PRSS55: variants seen among roughly 807,000 people sequenced by gnomAD.
PRSS55 encodes serine protease 55.
PRSS55 carries 41 observed loss-of-function variants against 23.6 expected under a neutral mutation model. The ratio of observed to expected loss-of-function variants is 1.74; its 90% CI spans 1.35 to 2.26. The LOEUF is 2.26. Ranked by LOEUF, PRSS55 falls within the 30% of genes most tolerant of loss-of-function variation. The probability of loss-of-function intolerance (pLI) is 0.00; values close to 1 mark genes in which losing one functional copy is unlikely to be tolerated. For missense variants in PRSS55, 669 were observed against 439.1 expected (o/e 1.52, Z -4.68); for synonymous variants, 262 against 175.5 (o/e 1.49, Z -3.90).
At chr8:10,543,992 T>C (rs1242017820) in intron 4 of PRSS55, among the ~76,000 whole-genome samples, 1 of 152,210 alleles carries the variant, frequency 6.6e-6, no homozygotes, top group Admixed American at 6.5e-5. Context: ...AAAAAGTATA[T>C]TCTGCTATTA....
At chr8:10,529,897 C>G (rs918987324) in intron 2 of PRSS55, among the ~76,000 whole-genome samples, 198 bp downstream of exon 2, 1 of 152,198 alleles carries the variant, frequency 6.6e-6, no homozygotes, top group Non-Finnish European at 1.5e-5. Flanking sequence ...GTCCTCCTCA[C>G]ATCACCAGAG....
chr8:10,545,032 T>G, intron 4 of PRSS55: 2 of 984,958 alleles, frequency 2.0e-6, no homozygotes, highest in Non-Finnish European at 1.2e-6. Context: ...CATGGTGGCC[T>G]GCACCTGTGC....
intron 4 of PRSS55, among the ~76,000 whole-genome samples, chr8:10,546,017 C>G (rs1221053497): frequency 1.3e-5 from 2 of 152,126 alleles, no homozygotes; most frequent in Admixed American, 6.5e-5. Flanking sequence ...GCGTGAGCAG[C>G]TGCTGGGCAC....
At chr8:10,533,319 A>G (rs1375175960) in intron 4 of PRSS55, among the ~76,000 whole-genome samples, 1 of 152,168 alleles carries the variant, frequency 6.6e-6, no homozygotes, top group Non-Finnish European at 1.5e-5. Context: ...GGCTTTTCTC[A>G]TTTCTGGGAA....
intron 1 of PRSS55, among the ~76,000 whole-genome samples, chr8:10,527,808 A>G (rs908177537): frequency 6.6e-6 from 1 of 152,254 alleles, no homozygotes; most frequent in African/African-American, 2.4e-5. Context: ...CTACCTCAAT[A>G]GGGCAGTTAT....
intron 3 of PRSS55, among the ~76,000 whole-genome samples, chr8:10,532,471 C>G (rs980240289): frequency 1.4e-4 from 21 of 152,198 alleles, no homozygotes; most frequent in African/African-American, 5.1e-4. Flanking sequence ...CCTGCCCTTG[C>G]TGAGGACCTA....
At chr8:10,543,773 T>A (rs983791227), downstream of PRSS55, among the ~76,000 whole-genome samples, 2 of 151,978 alleles carry the variant, frequency 1.3e-5, no homozygotes, top group African/African-American at 2.4e-5. Flanking sequence ...TAATTTCCCA[T>A]GTAAGCTCTT....
intron 4 of PRSS55, among the ~76,000 whole-genome samples, chr8:10,544,058 A>C (rs1812745990): frequency 6.6e-6 from 1 of 152,194 alleles, no homozygotes; most frequent in Non-Finnish European, 1.5e-5. Context: ...TAGTATTGCC[A>C]AAATCCTCTT....
At chr8:10,542,190 G>C (rs530122291), downstream of PRSS55, among the ~76,000 whole-genome samples, 15 of 152,108 alleles carry the variant, frequency 9.9e-5, no homozygotes, top group Non-Finnish European at 2.1e-4. Context: ...TGTCCCAAGA[G>C]AGTTTTCATA....
chr8:10,530,766 T>C (rs945729407), intron 2 of PRSS55, among the ~76,000 whole-genome samples: 2 of 152,162 alleles, frequency 1.3e-5, no homozygotes, highest in Non-Finnish European at 2.9e-5. Flanking sequence ...CACAGACCTT[T>C]GTGGCACCCG....
At chr8:10,529,472 C>A in intron 1 of PRSS55, 35 bp from the exon 2 acceptor site, 2 of 1,606,108 alleles carry the variant, frequency 1.2e-6, no homozygotes, top group Non-Finnish European at 1.7e-6. Context: ...CTAAGTGTTT[C>A]CCCTTTTCCT....
chr8:10,545,757 A>G (rs1419360390), intron 4 of PRSS55, among the ~76,000 whole-genome samples: 1 of 152,230 alleles, frequency 6.6e-6, no homozygotes, highest in Non-Finnish European at 1.5e-5. Flanking sequence ...TGTCTTGAGC[A>G]GTAAAAACTC....
At chr8:10,533,981 G>A (rs1812365993) in intron 4 of PRSS55, among the ~76,000 whole-genome samples, 1 of 152,166 alleles carries the variant, frequency 6.6e-6, no homozygotes, top group Non-Finnish European at 1.5e-5. Context: ...AGAGAAAGGA[G>A]AAGGCATTCT....
chr8:10,550,787 T>A (rs985494857), intron 4 of PRSS55, among the ~76,000 whole-genome samples: 1 of 152,236 alleles, frequency 6.6e-6, no homozygotes, highest in African/African-American at 2.4e-5. Flanking sequence ...CTGATGTACA[T>A]GCAAAAGACA....
downstream of PRSS55, among the ~76,000 whole-genome samples, chr8:10,542,067 C>T (rs989673786): frequency 7.9e-5 from 12 of 152,162 alleles, no homozygotes; most frequent in African/African-American, 1.9e-4. Flanking sequence ...ATTAAGTCAC[C>T]GCACCTGGCC....
downstream of PRSS55, among the ~76,000 whole-genome samples, chr8:10,543,478 C>CTTTTTTTTTCTTTTCTTTTCTT (rs61064986): frequency 9.8e-6 from 1 of 101,634 alleles, no homozygotes; most frequent in Admixed American, 1.1e-4. Flanking sequence ...CTTTCTTTCT[C>CTTTTTTTTTCTTTTCTTTTCTT]TCTTTTTTTT....
intron 4 of PRSS55, among the ~76,000 whole-genome samples, chr8:10,538,023 CCTT>C (rs1392018137): frequency 1.3e-5 from 2 of 152,174 alleles, no homozygotes; most frequent in East Asian, 1.9e-4. Flanking sequence ...AAAGGAATGT[CCTT>C]CTCTCTGTGC....
chr8:10,545,451 T>G (rs1423813777), intron 4 of PRSS55, among the ~76,000 whole-genome samples: 2 of 152,198 alleles, frequency 1.3e-5, no homozygotes, highest in African/African-American at 4.8e-5. Context: ...CCACTTAACT[T>G]TAAGTTGCTG....
chr8:10,531,937 G>T lies in PRSS55; in HGVS notation c.598+392G>T, dbSNP rs145257357. ...GGCTAGGCTCTGACGGTCCTGGAGCGTTGCCTGGCTCTTCTTAGAAATGAA... is the reference window on the plus strand; with the variant it reads ...GGCTAGGCTCTGACGGTCCTGGAGCTTTGCCTGGCTCTTCTTAGAAATGAA... On this transcript the variant is annotated intron_variant, in intron 3 of 4. Transcript: ENST00000328655. 9.2e-5 allele frequency among the ~76,000 whole-genome samples: 14 copies of T among 152,304 alleles called. No individual in the cohort carries two copies. The East Asian group carries it at 2.7e-3, about 29-fold the overall frequency.
Sources: allele counts gnomAD v4.1 joint callset (sites outside exome capture counted in the v4.1 genomes callset), GRCh38; gene constraint gnomAD v4.1.1; transcripts MANE v1.5; gene names NCBI Gene and HGNC (gene_info 2026-07-23, HGNC 2026-07-21).